RGS6: variants seen among roughly 807,000 people sequenced by gnomAD.
RGS6 encodes regulator of G-protein signaling 6.
In RGS6, 30 loss-of-function variants were observed where a neutral mutation model predicts 78.5. That is an observed-to-expected ratio of 0.38 (90% CI 0.29 to 0.52). The LOEUF (loss-of-function observed/expected upper bound fraction) is 0.52, where lower values mean the gene tolerates loss of function less well. Among genes scored for constraint, RGS6 ranks in the 20% least tolerant of loss-of-function variants. The pLI, the probability that RGS6 is intolerant of heterozygous loss-of-function variation, is 0.85. For missense variants in RGS6, 495 were observed against 609.7 expected (o/e 0.81, Z 1.98); for synonymous variants, 206 against 206.0 (o/e 1.00, Z 0.00).
At chr14:72,475,927 A>C (rs577064944) in intron 10 of RGS6, among the ~76,000 whole-genome samples, 1 of 152,012 alleles carries the variant, frequency 6.6e-6, no homozygotes, top group East Asian at 1.9e-4. Flanking sequence ...AACAATATCC[A>C]CTGTATTATA....
chr14:72,285,863 T>A (rs934671074), intron 2 of RGS6, among the ~76,000 whole-genome samples: 2 of 152,224 alleles, frequency 1.3e-5, no homozygotes, highest in African/African-American at 4.8e-5. Context: ...ATTTGTTTAT[T>A]TTCTTGCCAT....
At chr14:72,419,932 C>G (rs180690835) in intron 3 of RGS6, among the ~76,000 whole-genome samples, 3 of 152,318 alleles carry the variant, frequency 2.0e-5, no homozygotes, top group Non-Finnish European at 4.4e-5. Flanking sequence ...ATGGTCCAAT[C>G]TGCCCCCCTA....
chr14:71,986,460 T>C (rs2094714862), intron 2 of RGS6, among the ~76,000 whole-genome samples: 1 of 152,026 alleles, frequency 6.6e-6, no homozygotes, highest in Non-Finnish European at 1.5e-5. Context: ...TTCCAGCACT[T>C]TGGGAGGCTG....
intron 2 of RGS6, among the ~76,000 whole-genome samples, chr14:72,317,357 TC>T (rs916413437): frequency 2.6e-5 from 4 of 152,214 alleles, no homozygotes; most frequent in African/African-American, 9.7e-5. Context: ...TCTAGATTCA[TC>T]TTTTATGGTC....
rs773799334 is a variant in RGS6 at position 72,139,147 on chromosome 14, C to T, written c.84+174272C>T. On this transcript the variant is annotated intron_variant, in intron 2 of 17. Transcript: ENST00000553525. ...GGATCTGGGAGAAGTCTTGCAGAGA[C>T]GAAGCAACATTTGAGAAGGGTTTTA... Among the ~76,000 whole-genome samples the T allele has an allele frequency of 2.1e-4, 32 of 152,206 alleles. 1 individual carries two copies. The highest frequency in any genetic ancestry group is 3.6e-4 in the African/African-American group (15 of 41,532).
intron 2 of RGS6, among the ~76,000 whole-genome samples, chr14:72,179,864 A>G (rs534389071): frequency 2.0e-5 from 3 of 152,134 alleles, no homozygotes; most frequent in East Asian, 1.9e-4. Context: ...GGGTCCAGCA[A>G]TCAGTGTTAT....
chr14:71,955,630 G>C (rs540961813), intron 1 of RGS6, among the ~76,000 whole-genome samples: 6 of 152,072 alleles, frequency 3.9e-5, no homozygotes, highest in African/African-American at 1.4e-4. Context: ...CTGTCATGGC[G>C]CTGGTGGGAG....
intron 2 of RGS6, among the ~76,000 whole-genome samples, chr14:72,305,304 G>A (rs1170410757): frequency 6.6e-6 from 1 of 152,066 alleles, no homozygotes; most frequent in Non-Finnish European, 1.5e-5. Flanking sequence ...TTCTAGTGTT[G>A]GGGTTACATA....
At chr14:72,261,023 T>C (rs947612159) in intron 2 of RGS6, among the ~76,000 whole-genome samples, 1 of 152,022 alleles carries the variant, frequency 6.6e-6, no homozygotes, top group African/African-American at 2.4e-5. Flanking sequence ...AACCCTGACA[T>C]GTATGTTGAA....
chr14:72,088,558 C>T (rs1031494716), intron 2 of RGS6, among the ~76,000 whole-genome samples: 6 of 152,154 alleles, frequency 3.9e-5, no homozygotes, highest in Non-Finnish European at 7.3e-5. Flanking sequence ...ATCTCTTGTT[C>T]GGATAACTAT....
At chr14:72,257,054 T>C (rs950111707) in intron 2 of RGS6, among the ~76,000 whole-genome samples, 2 of 152,204 alleles carry the variant, frequency 1.3e-5, no homozygotes, top group African/African-American at 4.8e-5. Flanking sequence ...GTGAGACTTT[T>C]GCCAGTGGTG....
At chr14:72,071,303 CTT>C (rs1230689912) in intron 2 of RGS6, among the ~76,000 whole-genome samples, 3 of 152,148 alleles carry the variant, frequency 2.0e-5, no homozygotes, top group Non-Finnish European at 2.9e-5. Flanking sequence ...TGTTGATGGA[CTT>C]TTGGATTCTT....
At chr14:72,600,562 G>C in the RGS6 span, among the ~76,000 whole-genome samples, 1 of 111,492 alleles carries the variant, frequency 9.0e-6, no homozygotes, top group African/African-American at 3.5e-5. Flanking sequence ...TCTGAAGGAA[G>C]CCAGGCAGAC....
chr14:72,575,791 G>A, the RGS6 span, among the ~76,000 whole-genome samples: 220 of 152,306 alleles, frequency 1.4e-3, no homozygotes, highest in Non-Finnish European at 2.0e-3. Flanking sequence ...CCATAAATAT[G>A]TGCAATTATT....
At chr14:72,314,752 T>C (rs1055154571) in intron 2 of RGS6, among the ~76,000 whole-genome samples, 1 of 152,214 alleles carries the variant, frequency 6.6e-6, no homozygotes, top group Non-Finnish European at 1.5e-5. Context: ...CAGGTATAAC[T>C]CCAAGTTATG....
intron 2 of RGS6, among the ~76,000 whole-genome samples, chr14:72,134,420 C>T (rs1389044169): frequency 2.0e-5 from 3 of 152,206 alleles, no homozygotes; most frequent in Admixed American, 6.5e-5. Context: ...GATAGTGTCA[C>T]ACTTCAACAA....
intron 1 of RGS6, among the ~76,000 whole-genome samples, chr14:71,947,454 T>TA (rs760736244): frequency 1.4e-4 from 21 of 152,162 alleles, no homozygotes; most frequent in Middle Eastern, 3.4e-3. Flanking sequence ...CTCCCCCACT[T>TA]AAAAAAAATC....
At chr14:72,394,634 C>A (rs2090762151) in intron 3 of RGS6, among the ~76,000 whole-genome samples, 1 of 152,180 alleles carries the variant, frequency 6.6e-6, no homozygotes, top group Non-Finnish European at 1.5e-5. Context: ...GCTACCAGAC[C>A]TAATGGTTAT....
rs1268543654 is a variant in RGS6, at chr14:72,358,262, G to A, written c.184+6068G>A. Among the ~76,000 whole-genome samples the A allele has an allele frequency of 2.6e-5, 4 of 152,206 alleles. No individual in the cohort carries two copies. In the East Asian group the frequency reaches 5.8e-4, roughly 22 times the overall value. On this transcript the variant is annotated intron_variant, in intron 3 of 17. Coordinates refer to ENST00000553525, the MANE Select transcript of RGS6 (RefSeq NM_001204424.2). The stretch of plus-strand genomic sequence containing the variant: ...AGTGCAGAAGGGAAATGTGGGGTTG[G>A]AGTCCCCACACAGAGTCCCCACTGG...
Sources: allele counts gnomAD v4.1 joint callset (sites outside exome capture counted in the v4.1 genomes callset), GRCh38; gene constraint gnomAD v4.1.1; transcripts MANE v1.5; gene names NCBI Gene and HGNC (gene_info 2026-07-23, HGNC 2026-07-21).